Variants in EPHA5 observed in about 807,000 individuals in gnomAD.
EPHA5 encodes EPH receptor A5.
In EPHA5, 60 loss-of-function variants were observed where a neutral mutation model predicts 105.0. The ratio of observed to expected loss-of-function variants is 0.57; its 90% CI spans 0.46 to 0.71. The LOEUF is 0.71. Among genes scored for constraint, EPHA5 ranks in the 30% least tolerant of loss-of-function variants. EPHA5 has a pLI of 0.00. For missense variants in EPHA5, 1,218 were observed against 1,274.7 expected (o/e 0.96, Z 0.68); for synonymous variants, 513 against 449.1 (o/e 1.14, Z -1.80).
At chr4:65,571,897 T>C (rs888678975) in intron 3 of EPHA5, among the ~76,000 whole-genome samples, 1 of 152,090 alleles carries the variant, frequency 6.6e-6, no homozygotes, top group African/African-American at 2.4e-5. Flanking sequence ...AATTAGAGCA[T>C]GCCTTCCAAA....
At chr4:65,420,785 T>C (rs1723876300) in intron 5 of EPHA5, among the ~76,000 whole-genome samples, 1 of 152,142 alleles carries the variant, frequency 6.6e-6, no homozygotes, top group African/African-American at 2.4e-5. Context: ...AAACTATTTG[T>C]ATTCTATATT....
chr4:65,383,101 A>T (rs10015143), intron 8 of EPHA5, among the ~76,000 whole-genome samples: 8,166 of 149,700 alleles, frequency 0.055, 418 homozygotes, highest in African/African-American at 0.13. Flanking sequence ...CTTATGCATA[A>T]AAAGTATTAA....
chr4:65,332,550 A>T (rs576937918), intron 15 of EPHA5, among the ~76,000 whole-genome samples: 7 of 150,458 alleles, frequency 4.7e-5, no homozygotes, highest in Non-Finnish European at 1.0e-4. Context: ...GCCGTGGCTG[A>T]TAGAAATACA....
chr4:65,491,764 T>G (rs979710465), intron 4 of EPHA5, among the ~76,000 whole-genome samples: 1 of 152,074 alleles, frequency 6.6e-6, no homozygotes, highest in African/African-American at 2.4e-5. Context: ...ATGAATTTCA[T>G]ATATTAAGGG....
intron 3 of EPHA5, among the ~76,000 whole-genome samples, chr4:65,500,350 G>A (rs1732359261): frequency 6.6e-6 from 1 of 151,074 alleles, no homozygotes; most frequent in African/African-American, 2.4e-5. Flanking sequence ...AGAAAATTAT[G>A]TTTAAGAATT....
At chr4:65,519,490 C>T (rs1734455923) in intron 3 of EPHA5, among the ~76,000 whole-genome samples, 1 of 152,104 alleles carries the variant, frequency 6.6e-6, no homozygotes, top group Non-Finnish European at 1.5e-5. Flanking sequence ...CCCTCTCTCA[C>T]CACTCCTCTT....
At chr4:65,504,459 T>A in intron 3 of EPHA5, among the ~76,000 whole-genome samples, 1 of 151,840 alleles carries the variant, frequency 6.6e-6, no homozygotes, top group East Asian at 1.9e-4. Flanking sequence ...TTGATTGTTA[T>A]ACATTTCTAA....
intron 1 of EPHA5, among the ~76,000 whole-genome samples, chr4:65,654,586 A>G (rs1175453629): frequency 6.6e-6 from 1 of 151,126 alleles, no homozygotes; most frequent in East Asian, 1.9e-4. Context: ...GAAGTCATCC[A>G]TCTGAATCTC....
chr4:65,534,246 T>A (rs1377785699), intron 3 of EPHA5, among the ~76,000 whole-genome samples: 1 of 152,160 alleles, frequency 6.6e-6, no homozygotes, highest in African/African-American at 2.4e-5. Context: ...ACTTATAAAC[T>A]TTTAATTATT....
At chr4:65,398,366 C>A (rs1417305223) in intron 8 of EPHA5, among the ~76,000 whole-genome samples, 73 of 152,154 alleles carry the variant, frequency 4.8e-4, no homozygotes, top group Admixed American at 4.8e-3. Context: ...TGAGGGAAAT[C>A]TGAGAGTGGC....
rs1719625773 is a variant in EPHA5, at chr4:65,321,367, A to G, written c.*2747T>C. On this transcript the variant is annotated 3_prime_UTR_variant, in exon 17 of 17. Coordinates refer to ENST00000613740, the MANE Select transcript of EPHA5 (RefSeq NM_001281766.3). ...TTGCCTTGGATTATGGCCTCACTAC[A>G]TTTTACTAGAGTTGGCTCCTCTCCT... 4.3e-6 allele frequency: 1 copy of G among 230,346 alleles called. No homozygotes were observed. The highest frequency in any genetic ancestry group is 8.6e-6 in the Non-Finnish European group (1 of 116,242). 14.3% of individuals were successfully genotyped at this position (230,346 alleles called of 1,614,324 possible). A position where few individuals can be genotyped will look rare whatever the true frequency, so the allele number is the denominator to read the frequency against.
intron 9 of EPHA5, among the ~76,000 whole-genome samples, chr4:65,366,318 T>C (rs752266678): frequency 9.9e-5 from 15 of 151,726 alleles, no homozygotes; most frequent in Non-Finnish European, 1.9e-4. Context: ...ACTTAGAAAG[T>C]CTCCAAGGCA....
chr4:65,595,949 G>A (rs544646029), intron 3 of EPHA5, among the ~76,000 whole-genome samples: 1 of 152,162 alleles, frequency 6.6e-6, no homozygotes, highest in South Asian at 2.1e-4. Context: ...ACTTGCATGG[G>A]GATACAGCCT....
intron 5 of EPHA5, among the ~76,000 whole-genome samples, chr4:65,454,710 A>C (rs531142270): frequency 5.3e-5 from 8 of 152,192 alleles, no homozygotes; most frequent in African/African-American, 1.9e-4. Flanking sequence ...ACTTAAATTG[A>C]CCTGACAGAA....
intron 2 of EPHA5, among the ~76,000 whole-genome samples, chr4:65,628,427 T>C (rs553609926): frequency 1.3e-5 from 2 of 152,262 alleles, no homozygotes; most frequent in South Asian, 4.1e-4. Context: ...ACATGACAGC[T>C]ACCTTTAACC....
At chr4:65,669,385 C>A (rs893124691) in intron 1 of EPHA5, 177 bp downstream of exon 1, 1 of 984,784 alleles carries the variant, frequency 1.0e-6, no homozygotes, top group Non-Finnish European at 1.2e-6. Context: ...AACAATGCAA[C>A]CAAAAACCGC....
intron 3 of EPHA5, among the ~76,000 whole-genome samples, chr4:65,517,068 A>G (rs933367435): frequency 2.0e-5 from 3 of 151,920 alleles, no homozygotes; most frequent in Non-Finnish European, 4.4e-5. Flanking sequence ...AGTGTGTTAA[A>G]TTTTTCCTAT....
intron 3 of EPHA5, among the ~76,000 whole-genome samples, chr4:65,503,667 T>G (rs1270688249): frequency 6.6e-6 from 1 of 151,770 alleles, no homozygotes; most frequent in African/African-American, 2.4e-5. Flanking sequence ...TATTCATTCA[T>G]CTACAATATG....
At chr4:65,640,359 C>A (rs1193751862) in intron 2 of EPHA5, among the ~76,000 whole-genome samples, 4 of 137,756 alleles carry the variant, frequency 2.9e-5, no homozygotes, top group Non-Finnish European at 6.1e-5. Context: ...AATCTTGGCT[C>A]ACTGCAAGCT....
Sources: gnomAD v4.1 joint callset for allele counts (sites outside exome capture counted in the v4.1 genomes callset) on GRCh38, gnomAD v4.1.1 for gene constraint, MANE v1.5 for transcripts, NCBI Gene and HGNC (gene_info 2026-07-23, HGNC 2026-07-21) for gene names.